The following PLCB1 variants were observed in gnomAD, a reference collection of about 807,000 sequenced individuals.
PLCB1 encodes 1-phosphatidylinositol 4,5-bisphosphate phosphodiesterase beta-1.
In PLCB1, 46 loss-of-function variants were observed where a neutral mutation model predicts 161.8. The ratio of observed to expected loss-of-function variants is 0.28; its 90% CI spans 0.22 to 0.36. The LOEUF (loss-of-function observed/expected upper bound fraction) is 0.36. Among genes scored for constraint, PLCB1 ranks in the 10% least tolerant of loss-of-function variants. The pLI is 1.00. For missense variants in PLCB1, 1,016 were observed against 1,472.5 expected (o/e 0.69, Z 5.07); for synonymous variants, 517 against 503.7 (o/e 1.03, Z -0.35).
At chr20:8,252,927 C>T (rs1465134749) in intron 2 of PLCB1, among the ~76,000 whole-genome samples, 1 of 151,954 alleles carries the variant, frequency 6.6e-6, no homozygotes, top group African/African-American at 2.4e-5. Context: ...ACCACATGTT[C>T]AGGTTTTTCT....
intron 2 of PLCB1, among the ~76,000 whole-genome samples, chr20:8,347,889 A>G (rs548036422): frequency 6.6e-6 from 1 of 152,188 alleles, no homozygotes; most frequent in African/African-American, 2.4e-5. Flanking sequence ...GGAGAATGGC[A>G]TGAACCCGGG....
intron 3 of PLCB1, among the ~76,000 whole-genome samples, chr20:8,478,068 T>C (rs1342585): frequency 0.54 from 81,829 of 152,046 alleles, 23,445 homozygotes; most frequent in East Asian, 0.72. Context: ...AAAACAGGAA[T>C]AGATTATTCA....
At chr20:8,849,813 G>T in intron 31 of PLCB1, among the ~76,000 whole-genome samples, 1 of 152,118 alleles carries the variant, frequency 6.6e-6, no homozygotes, top group Non-Finnish European at 1.5e-5. Context: ...AAGAGATCGA[G>T]ACCATCCTGG....
rs543234095 is a variant in PLCB1 at position 8,707,996 on chromosome 20, A to G, written c.1168-674A>G. ...AATCTATGAATACATAAAGTGATGA[A>G]TGATTGCCTGGGACTAGGTGTGTGG... On this transcript the variant is annotated intron_variant, in intron 11 of 31. Transcript: ENST00000338037. Among the ~76,000 whole-genome samples, 5 of 152,216 alleles carry G rather than the reference A, an allele frequency of 3.3e-5. No homozygotes were observed. In the South Asian group the frequency reaches 1.0e-3, roughly 32 times the overall value.
chr20:8,157,675 G>A (rs1484028015), intron 2 of PLCB1, among the ~76,000 whole-genome samples: 1 of 152,108 alleles, frequency 6.6e-6, no homozygotes, highest in Admixed American at 6.5e-5. Flanking sequence ...TTATTAGAAT[G>A]GAATCATTTA....
intron 31 of PLCB1, among the ~76,000 whole-genome samples, chr20:8,863,838 T>C (rs1485392216): frequency 3.5e-5 from 5 of 143,834 alleles, no homozygotes; most frequent in Non-Finnish European, 6.1e-5. Flanking sequence ...TATCCAGAGT[T>C]GAAAACCCTA....
chr20:8,813,258 C>T lies in PLCB1; in HGVS notation c.3423+22997C>T, dbSNP rs562311157. Among the ~76,000 whole-genome samples, 155 of 152,288 alleles carry T rather than the reference C, an allele frequency of 1.0e-3. 2 individuals carry two copies. Among genetic ancestry groups the T allele is most frequent in the East Asian group, 3.1e-3 (16 of 5,184 alleles). On this transcript the variant is annotated intron_variant, in intron 31 of 31. Coordinates refer to ENST00000338037, the MANE Select transcript of PLCB1 (RefSeq NM_015192.4). ...TTTCTCTACCAAGTCTACTCACTCGCGGAAAGCTTTGGCAAGATTTTTAGG... is the reference window on the plus strand; with the variant it reads ...TTTCTCTACCAAGTCTACTCACTCGTGGAAAGCTTTGGCAAGATTTTTAGG...
chr20:8,364,147 T>G (rs1309528987), intron 2 of PLCB1, among the ~76,000 whole-genome samples: 2 of 152,188 alleles, frequency 1.3e-5, no homozygotes, highest in East Asian at 3.8e-4. Context: ...GTTCGGTATC[T>G]TCCTGTATAC....
intron 2 of PLCB1, among the ~76,000 whole-genome samples, chr20:8,167,821 A>C (rs1023024011): frequency 2.0e-5 from 3 of 152,122 alleles, no homozygotes; most frequent in African/African-American, 7.2e-5. Flanking sequence ...GCCTTAAAAC[A>C]ACAACCATTT....
intron 31 of PLCB1, among the ~76,000 whole-genome samples, chr20:8,865,037 A>G (rs997676576): frequency 9.2e-5 from 14 of 152,196 alleles, no homozygotes; most frequent in African/African-American, 3.1e-4. Flanking sequence ...CTAATTTGCA[A>G]TTGTACTGAA....
chr20:8,798,776 T>G (rs1323857684), intron 31 of PLCB1, among the ~76,000 whole-genome samples: 3 of 152,132 alleles, frequency 2.0e-5, no homozygotes, highest in Non-Finnish European at 4.4e-5. Flanking sequence ...AGAATCTCCA[T>G]GGAACCCACA....
intron 4 of PLCB1, among the ~76,000 whole-genome samples, chr20:8,629,963 CTTCTTTCT>C (rs201039269): frequency 0.052 from 5,720 of 110,986 alleles, 207 homozygotes; most frequent in East Asian, 0.12. Flanking sequence ...TTCTTTCTTT[CTTCTTTCT>C]TTCTTTCTTT....
chr20:8,577,914 TGG>T (rs1350135530), intron 3 of PLCB1, among the ~76,000 whole-genome samples: 6 of 152,222 alleles, frequency 3.9e-5, no homozygotes, highest in Non-Finnish European at 7.3e-5. Flanking sequence ...TCATTATAAC[TGG>T]GTCTGTGCGT....
chr20:8,256,089 C>T (rs6077335), intron 2 of PLCB1, among the ~76,000 whole-genome samples: 34,634 of 151,872 alleles, frequency 0.23, 4,295 homozygotes, highest in Non-Finnish European at 0.28. Context: ...ATACACTCTG[C>T]GATGTTTGCA....
At chr20:8,260,245 A>ATTT (rs55691846) in intron 2 of PLCB1, among the ~76,000 whole-genome samples, 1 of 133,558 alleles carries the variant, frequency 7.5e-6, no homozygotes. Context: ...AGCACCCAGC[A>ATTT]TTTTTTTTTT....
intron 3 of PLCB1, among the ~76,000 whole-genome samples, chr20:8,563,265 A>G (rs1035511267): frequency 6.6e-6 from 1 of 152,056 alleles, no homozygotes; most frequent in Non-Finnish European, 1.5e-5. Context: ...TGGAAGTAGT[A>G]TAGCCCTACC....
chr20:8,646,127 T>C lies in PLCB1; in HGVS notation c.410T>C (p.Leu137Ser). The change falls in exon 5 of 32, where the codon TTG becomes TCG. Residue 137 changes from leucine to serine, a missense_variant. Physicochemically the swap from Leu to Ser is moderately radical, Grantham distance 145 (BLOSUM62 -2). Transcript: ENST00000338037. ...GAATGGACAAATGAGGTTTTCAGTT[T>C]GGCAACAAACCTGCTGGCCCAAAAC... ...AKEWTNEVFS[L>S]ATNLLAQNMS... 1 of 1,613,524 alleles carries C rather than the reference T, an allele frequency of 6.2e-7. No individual in the cohort carries two copies. Among genetic ancestry groups the C allele is most frequent in the Non-Finnish European group, 8.5e-7 (1 of 1,179,424 alleles).
In PLCB1 at chr20:8,623,494, T is replaced by A. The variant is rs553242566; in HGVS notation, c.247-4800T>A. Among the ~76,000 whole-genome samples, 3 of 152,246 alleles carry A rather than the reference T, an allele frequency of 2.0e-5. 1 individual carries two copies. Among genetic ancestry groups the A allele is most frequent in the African/African-American group, 7.2e-5 (3 of 41,554 alleles). ...ACTTTATAAATTCATCATTATTCCA[T>A]CCCAAAACAAATATGAATACTCTTG... On this transcript the variant is annotated intron_variant, in intron 3 of 31. Transcript: ENST00000338037.
intron 3 of PLCB1, among the ~76,000 whole-genome samples, chr20:8,435,152 C>G (rs1311222767): frequency 6.6e-6 from 1 of 152,200 alleles, no homozygotes; most frequent in Admixed American, 6.5e-5. Context: ...GAATGTGTCA[C>G]TCTTCACAAC....
Sources: allele counts gnomAD v4.1 joint callset (sites outside exome capture counted in the v4.1 genomes callset), GRCh38; gene constraint gnomAD v4.1.1; transcripts MANE v1.5; gene names NCBI Gene and HGNC (gene_info 2026-07-23, HGNC 2026-07-21).